The following NAV3 variants were observed in gnomAD, a reference collection of about 807,000 sequenced individuals.
The protein encoded by NAV3 is pore membrane and/or filament interacting like protein 1.
A neutral mutation model predicts 244.7 loss-of-function variants in NAV3; 87 were observed. The observed-to-expected ratio is 0.36, with a 90% confidence interval of 0.30 to 0.42. The LOEUF is 0.42. NAV3 is among the 20% of genes least tolerant of loss of function. The pLI is 1.00. For missense variants in NAV3, 2,663 were observed against 2,893.3 expected, an observed-to-expected ratio of 0.92 and a Z score of 1.83; for synonymous variants, 1,126 against 1,042.2, an observed-to-expected ratio of 1.08 and a Z score of -1.55.
intron 27 of NAV3, 150 bp downstream of exon 27, chr12:78,177,463 C>T (rs1958285131): frequency 1.7e-6 from 2 of 1,150,874 alleles, no homozygotes; most frequent in South Asian, 1.6e-5. Flanking sequence ...TCATATTTCT[C>T]TTTCACTGGT....
intron 1 of NAV3, among the ~76,000 whole-genome samples, chr12:77,892,070 T>C (rs1271762945): frequency 6.6e-6 from 1 of 152,224 alleles, no homozygotes; most frequent in Non-Finnish European, 1.5e-5. Flanking sequence ...CTTTTTATAA[T>C]TATTTTTGTC....
At chr12:77,633,111 G>A (rs1015638718) in intron 2 of NAV3, among the ~76,000 whole-genome samples, 5 of 152,092 alleles carry the variant, frequency 3.3e-5, no homozygotes, top group Admixed American at 3.3e-4. Flanking sequence ...AATATGCTAG[G>A]TAGAACATTG....
At chr12:78,091,118 T>G (rs1267337663) in intron 12 of NAV3, among the ~76,000 whole-genome samples, 2 of 152,280 alleles carry the variant, frequency 1.3e-5, no homozygotes, top group East Asian at 3.9e-4. Context: ...GAAATAGACC[T>G]GATTGCTAAC....
At chr12:77,622,528 A>T (rs960238854) in intron 2 of NAV3, among the ~76,000 whole-genome samples, 1 of 142,218 alleles carries the variant, frequency 7.0e-6, no homozygotes, top group African/African-American at 2.7e-5. Flanking sequence ...GTGTTCATCC[A>T]TATGGATTTT....
chr12:78,082,885 C>T (rs1020356605), intron 12 of NAV3, among the ~76,000 whole-genome samples: 42 of 152,182 alleles, frequency 2.8e-4, no homozygotes, highest in Middle Eastern at 6.8e-3. Flanking sequence ...CTGAAGACTC[C>T]CTGTAGTCCT....
At chr12:77,860,297 T>G (rs1287852691) in intron 1 of NAV3, among the ~76,000 whole-genome samples, 1 of 150,414 alleles carries the variant, frequency 6.6e-6, no homozygotes, top group Non-Finnish European at 1.5e-5. Context: ...CTTTTATATA[T>G]AATATATACA....
intron 2 of NAV3, among the ~76,000 whole-genome samples, chr12:77,779,048 C>T (rs1032183989): frequency 8.5e-5 from 13 of 152,186 alleles, no homozygotes; most frequent in Non-Finnish European, 1.2e-4. Flanking sequence ...TTGTGCGACT[C>T]TGTAAATGTG....
At chr12:77,686,178 T>C (rs1874734541) in intron 2 of NAV3, among the ~76,000 whole-genome samples, 1 of 152,124 alleles carries the variant, frequency 6.6e-6, no homozygotes, top group Non-Finnish European at 1.5e-5. Flanking sequence ...CTGCAACCAC[T>C]GCCTCCTGGG....
chr12:77,697,455 T>G (rs997800092), intron 2 of NAV3, among the ~76,000 whole-genome samples: 2 of 152,184 alleles, frequency 1.3e-5, no homozygotes, highest in African/African-American at 4.8e-5. Flanking sequence ...TAATCTCTCT[T>G]TCTCAATTTT....
At chr12:78,131,932 G>A (rs889280797) in intron 18 of NAV3, among the ~76,000 whole-genome samples, 4 of 152,170 alleles carry the variant, frequency 2.6e-5, no homozygotes, top group Admixed American at 2.0e-4. Flanking sequence ...GTAGTAATTC[G>A]CAACACAGTA....
At chr12:78,188,196 TA>T in intron 31 of NAV3, 51 bp from the exon 32 acceptor site, 2 of 1,322,606 alleles carry the variant, frequency 1.5e-6, no homozygotes, top group Non-Finnish European at 2.2e-6. Context: ...AATGTAGTAA[TA>T]AAAAAGATAC....
chr12:77,959,506 G>A (rs1392275990), intron 3 of NAV3, among the ~76,000 whole-genome samples: 1 of 151,868 alleles, frequency 6.6e-6, no homozygotes, highest in East Asian at 1.9e-4. Flanking sequence ...ATTTTTTGTT[G>A]TTGTGAGTTA....
At position 78,007,212 on chromosome 12, in the gene NAV3, G is replaced by T. The variant is rs372042441; in HGVS notation, c.1674G>T (p.Lys558Asn). 1.2e-6 allele frequency: 2 copies of T among 1,614,022 alleles called. No homozygotes were observed. The highest frequency in any genetic ancestry group is 1.7e-6 in the Non-Finnish European group (2 of 1,180,026). The change falls in exon 8 of 40, where the codon AAG becomes AAT. Residue 558 changes from lysine (K) to asparagine (N), a missense_variant. Physicochemically the swap from Lys to Asn is moderately conservative, Grantham distance 94. Coordinates refer to ENST00000397909, the MANE Select transcript of NAV3 (RefSeq NM_001024383.2). The part of the protein sequence containing the change: ...SKESEKFRTT[K>N]GSPSQSLSKP... ...AGTCTGAGAAATTCAGGACTACCAA[G>T]GGGAGCCCTTCCCAGTCCTTATCTA...
chr12:77,704,940 G>T (rs868420463), intron 2 of NAV3, among the ~76,000 whole-genome samples: 6 of 152,178 alleles, frequency 3.9e-5, no homozygotes, highest in Non-Finnish European at 5.9e-5. Flanking sequence ...TGAAATAAAA[G>T]ATTTTATGAT....
intron 2 of NAV3, among the ~76,000 whole-genome samples, chr12:77,671,561 T>C (rs11106210): frequency 0.053 from 8,063 of 152,096 alleles, 508 homozygotes; most frequent in African/African-American, 0.15. Flanking sequence ...GGTATAAAAA[T>C]AGGCACCTAG....
chr12:77,926,455 T>TATAG (rs1044690885), intron 1 of NAV3, among the ~76,000 whole-genome samples: 7 of 151,622 alleles, frequency 4.6e-5, no homozygotes, highest in Non-Finnish European at 1.0e-4. Flanking sequence ...TAAGGGAAGA[T>TATAG]ATAGATAGAT....
At chr12:78,170,940 T>A (rs1483383854) in intron 24 of NAV3, among the ~76,000 whole-genome samples, 1 of 151,778 alleles carries the variant, frequency 6.6e-6, no homozygotes, top group Non-Finnish European at 1.5e-5. Flanking sequence ...TTAAGGTATG[T>A]CTTTCCTGAT....
intron 34 of NAV3, among the ~76,000 whole-genome samples, chr12:78,193,215 T>C (rs1223278513): frequency 6.6e-6 from 1 of 152,218 alleles, no homozygotes; most frequent in African/African-American, 2.4e-5. Context: ...CTCTGCACTT[T>C]ACATTCTGTT....
intron 2 of NAV3, among the ~76,000 whole-genome samples, chr12:77,650,177 T>C (rs711129): frequency 0.16 from 24,853 of 152,124 alleles, 3,223 homozygotes; most frequent in African/African-American, 0.36. Context: ...TCAGTTGGAT[T>C]CCCATGAAAC....
Sources: allele counts gnomAD v4.1 joint callset (sites outside exome capture counted in the v4.1 genomes callset), GRCh38; gene constraint gnomAD v4.1.1; transcripts MANE v1.5; gene names NCBI Gene and HGNC (gene_info 2026-07-23, HGNC 2026-07-21).